Variants in PRMT8 observed in about 807,000 individuals in gnomAD.
The protein encoded by PRMT8 is protein arginine N-methyltransferase 8.
PRMT8 carries 7 observed loss-of-function variants against 47.1 expected under a neutral mutation model. The ratio of observed to expected loss-of-function variants is 0.15; its 90% CI spans 0.08 to 0.28. PRMT8 has a LOEUF of 0.28. Ranked by LOEUF, PRMT8 falls within the 10% of genes least tolerant of loss-of-function variation. PRMT8 has a pLI of 1.00. For missense variants in PRMT8, 237 were observed against 505.4 expected (o/e 0.47, Z 5.09); for synonymous variants, 188 against 186.5 (o/e 1.01, Z -0.07).
At chr12:3,567,993 A>AC (rs1866755161) in intron 4 of PRMT8, among the ~76,000 whole-genome samples, 1 of 151,110 alleles carries the variant, frequency 6.6e-6, no homozygotes, top group Non-Finnish European at 1.5e-5. Flanking sequence ...AATCGCTTGA[A>AC]CCTGGGAGGC....
chr12:3,547,245 A>G (rs1399518400), intron 2 of PRMT8, among the ~76,000 whole-genome samples: 3 of 152,244 alleles, frequency 2.0e-5, no homozygotes, highest in Non-Finnish European at 4.4e-5. Context: ...TGCCAGGGCA[A>G]TAAAGCAAGA....
At chr12:3,540,039 G>A (rs1301102426) in intron 1 of PRMT8, among the ~76,000 whole-genome samples, 1 of 152,138 alleles carries the variant, frequency 6.6e-6, no homozygotes, top group Non-Finnish European at 1.5e-5. Flanking sequence ...CTTACTATAT[G>A]CCTGGCCCTT....
At chr12:3,524,035 G>C (rs895511042) in intron 1 of PRMT8, among the ~76,000 whole-genome samples, 2 of 152,206 alleles carry the variant, frequency 1.3e-5, no homozygotes, top group Non-Finnish European at 2.9e-5. Context: ...TCAGTAACCT[G>C]TTAGTATCCA....
In PRMT8 at chr12:3,553,642, C is replaced by T; in HGVS notation, c.418-9C>T. 6.3e-7 allele frequency: 1 copy of T among 1,599,462 alleles called. No individual in the cohort carries two copies. The highest frequency in any genetic ancestry group is 8.6e-7 in the Non-Finnish European group (1 of 1,166,706). On this transcript the variant is annotated splice_polypyrimidine_tract_variant and intron_variant, in intron 3 of 9. Transcript: ENST00000382622. ...GACGCCTTGCTCCTTTGTCCTATGC[C>T]CTTTCCAGATCGAATGCTCCAGTAT...
chr12:3,393,330 G>T lies in PRMT8; in HGVS notation c.48+11888G>T, dbSNP rs1002278632. Among the ~76,000 whole-genome samples, 200 of 149,344 alleles carry T rather than the reference G, an allele frequency of 1.3e-3. 1 individual carries two copies. Among genetic ancestry groups the T allele is most frequent in the African/African-American group, 4.6e-3 (185 of 40,306 alleles). ...TGGTAATGCCTAGGTTTTCTTCTAG[G>T]GTTTTTATGGTTTTAGGTATAACGT... On this transcript the variant is annotated intron_variant, in intron 1 of 9. Transcript: ENST00000452611.
intron 8 of PRMT8, among the ~76,000 whole-genome samples, chr12:3,587,427 G>A: frequency 6.6e-6 from 1 of 151,828 alleles, no homozygotes; most frequent in Middle Eastern, 3.4e-3. Context: ...TGACTAGAAA[G>A]ACATGGTAAT....
chr12:3,470,095 G>A (rs1365076965), intron 1 of PRMT8, among the ~76,000 whole-genome samples: 3 of 152,166 alleles, frequency 2.0e-5, no homozygotes, highest in Non-Finnish European at 4.4e-5. Flanking sequence ...AGGCAGAGGA[G>A]CGGATTATAA....
chr12:3,465,183 AT>A (rs1387447379), intron 1 of PRMT8, among the ~76,000 whole-genome samples: 2 of 142,818 alleles, frequency 1.4e-5, no homozygotes, highest in African/African-American at 5.2e-5. Context: ...TTATATATAT[AT>A]TTTATAAATA....
intron 1 of PRMT8, among the ~76,000 whole-genome samples, chr12:3,485,723 A>G (rs1028002613): frequency 6.6e-6 from 1 of 152,226 alleles, no homozygotes; most frequent in Non-Finnish European, 1.5e-5. Context: ...TATACAGCAT[A>G]CACCAACAGC....
chr12:3,512,676 C>G (rs1365773126), intron 1 of PRMT8, among the ~76,000 whole-genome samples: 1 of 152,212 alleles, frequency 6.6e-6, no homozygotes, highest in Non-Finnish European at 1.5e-5. Flanking sequence ...TGCCCTAGAT[C>G]AGCACTCATT....
intron 3 of PRMT8, 31 bp from the exon 4 acceptor site, chr12:3,553,620 G>A (rs865927898): frequency 6.4e-6 from 10 of 1,552,466 alleles, no homozygotes; most frequent in African/African-American, 1.4e-5. Context: ...TTTTTTTGAC[G>A]CCTTGCTCCT....
intron 1 of PRMT8, among the ~76,000 whole-genome samples, chr12:3,415,370 A>G (rs543514736): frequency 1.1e-4 from 16 of 152,268 alleles, no homozygotes; most frequent in African/African-American, 3.8e-4. Context: ...TAACTAGATC[A>G]TTGGCCATTG....
chr12:3,405,861 A>C (rs1864368004), intron 1 of PRMT8, among the ~76,000 whole-genome samples: 1 of 152,146 alleles, frequency 6.6e-6, no homozygotes, highest in South Asian at 2.1e-4. Flanking sequence ...GCTGTTGGTG[A>C]AGTACCATTC....
chr12:3,393,193 G>C (rs1443166136), intron 1 of PRMT8, among the ~76,000 whole-genome samples: 1 of 152,056 alleles, frequency 6.6e-6, no homozygotes, highest in Non-Finnish European at 1.5e-5. Context: ...AGTTTATTTT[G>C]CTGTGCAGAA....
intron 1 of PRMT8, among the ~76,000 whole-genome samples, chr12:3,480,957 C>G (rs1024959970): frequency 6.6e-6 from 1 of 152,198 alleles, no homozygotes; most frequent in African/African-American, 2.4e-5. Context: ...CCTCTGAGAG[C>G]TGATATCCAC....
intron 1 of PRMT8, among the ~76,000 whole-genome samples, chr12:3,471,193 T>A (rs1865158504): frequency 6.6e-6 from 1 of 152,028 alleles, no homozygotes; most frequent in Non-Finnish European, 1.5e-5. Flanking sequence ...GGCTTCCTTC[T>A]GGGTGGGTGC....
chr12:3,414,583 G>A (rs543823184), intron 1 of PRMT8, among the ~76,000 whole-genome samples: 11 of 152,270 alleles, frequency 7.2e-5, no homozygotes, highest in Non-Finnish European at 1.2e-4. Flanking sequence ...TTGAGGCCCC[G>A]CAGCAGCCTC....
intron 1 of PRMT8, among the ~76,000 whole-genome samples, chr12:3,382,174 A>G (rs1310738327): frequency 6.6e-6 from 1 of 152,196 alleles, no homozygotes; most frequent in African/African-American, 2.4e-5. Context: ...GACTTTTAGG[A>G]ATAAAGGTGC....
intron 1 of PRMT8, among the ~76,000 whole-genome samples, chr12:3,444,661 AGGAGTTAGGC>A (rs1307741438): frequency 6.6e-6 from 1 of 152,210 alleles, no homozygotes; most frequent in Non-Finnish European, 1.5e-5. Flanking sequence ...TTTCTATTTA[AGGAGTTAGGC>A]TGGCACATTT....
Sources: gnomAD v4.1 joint callset for allele counts (sites outside exome capture counted in the v4.1 genomes callset) on GRCh38, gnomAD v4.1.1 for gene constraint, MANE v1.5 for transcripts, NCBI Gene and HGNC (gene_info 2026-07-23, HGNC 2026-07-21) for gene names.